The following ZBBX variants were observed in gnomAD, a reference collection of about 807,000 sequenced individuals.
ZBBX encodes the protein zinc finger B-box domain containing.
A neutral mutation model predicts 108.5 loss-of-function variants in ZBBX; 101 were observed. The observed-to-expected ratio is 0.93, with a 90% confidence interval of 0.79 to 1.10. The LOEUF (loss-of-function observed/expected upper bound fraction) is 1.10, where lower values mean the gene tolerates loss of function less well. ZBBX is among the 50% of genes least tolerant of loss of function. The pLI is 0.00. For missense variants in ZBBX, 1,009 were observed against 941.4 expected (o/e 1.07, Z -0.94); for synonymous variants, 356 against 323.4 (o/e 1.10, Z -1.08).
chr3:167,308,439 C>A (rs1442828299), intron 16 of ZBBX, among the ~76,000 whole-genome samples: 2 of 152,074 alleles, frequency 1.3e-5, no homozygotes, highest in African/African-American at 2.4e-5. Context: ...ACCATTCAAC[C>A]CAGCAATCTC....
At chr3:167,326,726 C>T (rs2108353584) in intron 11 of ZBBX, among the ~76,000 whole-genome samples, 1 of 151,814 alleles carries the variant, frequency 6.6e-6, no homozygotes, top group East Asian at 1.9e-4. Context: ...AGACAGCATC[C>T]AAATAATGTC....
At chr3:167,231,978 A>G in the ZBBX span, among the ~76,000 whole-genome samples, 1 of 151,846 alleles carries the variant, frequency 6.6e-6, no homozygotes, top group African/African-American at 2.4e-5. Flanking sequence ...CTTTCCAGAG[A>G]AGAAAATACT....
chr3:167,300,692 C>T (rs1488440096), intron 17 of ZBBX, among the ~76,000 whole-genome samples: 1 of 151,372 alleles, frequency 6.6e-6, no homozygotes, highest in Non-Finnish European at 1.5e-5. Flanking sequence ...TCACTATAAC[C>T]TCCGCCTCCC....
chr3:167,240,375 G>A lies in ZBBX; in HGVS notation c.*418C>T, dbSNP rs1400219563. 2 of 152,558 alleles carry A rather than the reference G, an allele frequency of 1.3e-5. No individual in the cohort carries two copies. The highest frequency in any genetic ancestry group is 4.8e-5 in the African/African-American group (2 of 41,432). 9.5% of individuals were successfully genotyped at this position (152,558 alleles called of 1,614,324 possible). ...AATGTTAAAAACCAGAAAATAAACA[G>A]TGTAATTATAGGTTCAATTGATGAT... On this transcript the variant is annotated 3_prime_UTR_variant, in exon 22 of 22. Coordinates refer to ENST00000675490, the MANE Select transcript of ZBBX (RefSeq NM_001199201.2).
At chr3:167,397,218 G>A (rs1461917753) in intron 1 of ZBBX, among the ~76,000 whole-genome samples, 1 of 142,678 alleles carries the variant, frequency 7.0e-6, no homozygotes, top group African/African-American at 2.6e-5. Flanking sequence ...TGTCTTCGCT[G>A]ACTGCATTTT....
At chr3:167,314,694 C>G (rs1052594865) in intron 15 of ZBBX, among the ~76,000 whole-genome samples, 2 of 152,086 alleles carry the variant, frequency 1.3e-5, no homozygotes, top group African/African-American at 4.8e-5. Context: ...CGAAAAGGCC[C>G]TCTTGTGTCA....
chr3:167,303,410 C>A (rs1327115818), intron 17 of ZBBX, among the ~76,000 whole-genome samples: 1 of 152,092 alleles, frequency 6.6e-6, no homozygotes, highest in Non-Finnish European at 1.5e-5. Context: ...CAAATTTCTT[C>A]TTTTATAATT....
Position 167,350,457 on chromosome 3 carries a change from T to A in ZBBX, c.491A>T (p.Lys164Ile). 6.3e-7 allele frequency: 1 copy of A among 1,598,016 alleles called. No individual in the cohort carries two copies. The highest frequency in any genetic ancestry group is 8.5e-7 in the Non-Finnish European group (1 of 1,169,946). Residue 164 changes from lysine (K) to isoleucine (I), a missense_variant, in exon 9 of 22, where the codon AAA (lysine) becomes ATA (isoleucine). Lys to Ile is a moderately radical substitution (Grantham distance 102). Coordinates refer to ENST00000675490, the MANE Select transcript of ZBBX (RefSeq NM_001199201.2). ...TGTTCTGTGGAGCTTTAGTGCCCCTTTCTGGTGAACTTTAGCAAAGCATCC... is the reference window on the plus strand; with the variant it reads ...TGTTCTGTGGAGCTTTAGTGCCCCTATCTGGTGAACTTTAGCAAAGCATCC... ...CSGCFAKVHQKGALKLHRTTL... is the reference protein window; with the variant it reads ...CSGCFAKVHQIGALKLHRTTL...
intron 13 of ZBBX, 21 bp downstream of exon 13, chr3:167,317,467 T>C (rs776246988): frequency 1.3e-6 from 2 of 1,543,324 alleles, no homozygotes; most frequent in South Asian, 1.2e-5. Context: ...TTTAAAAATA[T>C]CTAATCAAGT....
At position 167,368,889 on chromosome 3, in the gene ZBBX, C is replaced by T. The variant is rs548070232; in HGVS notation, c.69-315G>A. ...ATATCTATGACATACAAACAGAAAA[C>T]GAAATAAAAATATTGTCCAATTTTC... On this transcript the variant is annotated intron_variant, in intron 4 of 21. Transcript: ENST00000675490. 21 of 265,672 alleles carry T rather than the reference C, an allele frequency of 7.9e-5. No homozygotes were observed. The South Asian group carries it at 7.9e-4, about 10-fold the overall frequency. The allele number at this position is 265,672 out of a possible 1,614,324, so 16.5% of individuals were successfully genotyped here.
At chr3:167,212,514 A>G in the ZBBX span, among the ~76,000 whole-genome samples, 1 of 152,154 alleles carries the variant, frequency 6.6e-6, no homozygotes, top group Non-Finnish European at 1.5e-5. Context: ...ACCCAAGGAG[A>G]GGAGGCCAGT....
At chr3:167,209,861 G>C in the ZBBX span, among the ~76,000 whole-genome samples, 1 of 152,112 alleles carries the variant, frequency 6.6e-6, no homozygotes, top group African/African-American at 2.4e-5. Flanking sequence ...AGGCCAAGGC[G>C]GGTGGATCAC....
chr3:167,227,777 C>T, the ZBBX span, among the ~76,000 whole-genome samples: 1 of 151,724 alleles, frequency 6.6e-6, no homozygotes, highest in African/African-American at 2.4e-5. Context: ...ACCAAGCCTA[C>T]ATGTATCCCA....
chr3:167,327,757 T>C (rs1023088683), intron 11 of ZBBX, among the ~76,000 whole-genome samples, 185 bp downstream of exon 11: 6 of 151,652 alleles, frequency 4.0e-5, no homozygotes, highest in African/African-American at 1.5e-4. Flanking sequence ...CTACTAAAAA[T>C]ACAAAAATTA....
rs142736323 is a variant in ZBBX, at chr3:167,250,443, T to C, written c.2255-7800A>G. 2.8e-3 allele frequency among the ~76,000 whole-genome samples: 421 copies of C among 152,334 alleles called. 2 individuals carry two copies. The highest frequency in any genetic ancestry group is 9.7e-3 in the African/African-American group (402 of 41,572). On this transcript the variant is annotated intron_variant, in intron 20 of 21. Coordinates refer to ENST00000675490, the MANE Select transcript of ZBBX (RefSeq NM_001199201.2). Reference sequence around the variant, plus strand: ...AGGGTAGAATGTTGCTGTTAGTATATTTCACTTCTTATCTCTGTAATCTCT... The same window carrying C: ...AGGGTAGAATGTTGCTGTTAGTATACTTCACTTCTTATCTCTGTAATCTCT...
At chr3:167,215,627 T>A in the ZBBX span, among the ~76,000 whole-genome samples, 1 of 152,156 alleles carries the variant, frequency 6.6e-6, no homozygotes, top group African/African-American at 2.4e-5. Flanking sequence ...CAACTCTTTC[T>A]GTGAGGCCAG....
intron 20 of ZBBX, among the ~76,000 whole-genome samples, chr3:167,255,904 C>A (rs1377784686): frequency 6.6e-6 from 1 of 151,952 alleles, no homozygotes; most frequent in Non-Finnish European, 1.5e-5. Context: ...CTTATTCATT[C>A]TTTCTATTTT....
intron 20 of ZBBX, among the ~76,000 whole-genome samples, chr3:167,274,390 C>T (rs2108487703): frequency 6.6e-6 from 1 of 152,278 alleles, no homozygotes; most frequent in African/African-American, 2.4e-5. Context: ...CTAAAACCTC[C>T]CTTAGTTCTC....
intron 16 of ZBBX, among the ~76,000 whole-genome samples, chr3:167,312,373 C>G (rs768034459): frequency 2.0e-4 from 30 of 152,086 alleles, no homozygotes; most frequent in Admixed American, 1.1e-3. Context: ...TCACATTATA[C>G]TTTTGTCAAA....
Sources: allele counts gnomAD v4.1 joint callset (sites outside exome capture counted in the v4.1 genomes callset), GRCh38; gene constraint gnomAD v4.1.1; transcripts MANE v1.5; gene names NCBI Gene and HGNC (gene_info 2026-07-23, HGNC 2026-07-21).